THSD7B: variants seen among roughly 807,000 people sequenced by gnomAD.
The protein encoded by THSD7B is thrombospondin type 1 domain containing 7B.
THSD7B carries 138 observed loss-of-function variants against 213.6 expected under a neutral mutation model. The ratio of observed to expected loss-of-function variants is 0.65; its 90% confidence interval spans 0.56 to 0.74. The LOEUF is 0.74. Among genes scored for constraint, THSD7B ranks in the 30% least tolerant of loss-of-function variants. The probability of loss-of-function intolerance (pLI) is 0.00; values close to 1 mark genes in which losing one functional copy is unlikely to be tolerated. For missense variants in THSD7B, 1,931 were observed against 1,991.5 expected (o/e 0.97, Z 0.58); for synonymous variants, 742 against 687.0 (o/e 1.08, Z -1.25).
chr2:136,832,685 A>G (rs1267617937), intron 1 of THSD7B, among the ~76,000 whole-genome samples: 1 of 152,202 alleles, frequency 6.6e-6, no homozygotes, highest in Admixed American at 6.5e-5. Context: ...GTCTCCAGTC[A>G]TTAATACAAC....
chr2:137,052,943 G>A (rs1414188084), intron 2 of THSD7B, among the ~76,000 whole-genome samples: 1 of 152,100 alleles, frequency 6.6e-6, no homozygotes, highest in Non-Finnish European at 1.5e-5. Context: ...AATTCAGTTT[G>A]CATTTGCTTG....
intron 2 of THSD7B, among the ~76,000 whole-genome samples, chr2:136,941,530 T>G (rs1684826927): frequency 6.6e-6 from 1 of 152,218 alleles, no homozygotes; most frequent in Middle Eastern, 3.2e-3. Flanking sequence ...GTTTCCTGAC[T>G]TTTTAATGAT....
chr2:137,091,473 G>A (rs2104915077), intron 3 of THSD7B, among the ~76,000 whole-genome samples: 1 of 150,832 alleles, frequency 6.6e-6, no homozygotes, highest in East Asian at 1.9e-4. Context: ...CCACAAACTT[G>A]CTGGGTCAAA....
At chr2:136,876,893 G>C (rs1683533834) in intron 1 of THSD7B, among the ~76,000 whole-genome samples, 1 of 152,170 alleles carries the variant, frequency 6.6e-6, no homozygotes, top group African/African-American at 2.4e-5. Flanking sequence ...TGTGGCTGCA[G>C]TCTGTCTCCT....
chr2:137,204,031 C>A (rs1680931483), intron 7 of THSD7B, among the ~76,000 whole-genome samples: 1 of 152,018 alleles, frequency 6.6e-6, no homozygotes, highest in African/African-American at 2.4e-5. Context: ...TAGTTTACAG[C>A]TGCTAGGAAA....
At chr2:137,488,221 G>A (rs1688508727) in intron 15 of THSD7B, among the ~76,000 whole-genome samples, 1 of 152,044 alleles carries the variant, frequency 6.6e-6, no homozygotes, top group Non-Finnish European at 1.5e-5. Context: ...TATGTCAGAA[G>A]TAACTCATTT....
At chr2:137,412,611 C>CAAAAAAAAAAAAAA (rs1052499645) in intron 14 of THSD7B, among the ~76,000 whole-genome samples, 1 of 96,914 alleles carries the variant, frequency 1.0e-5, no homozygotes, top group Non-Finnish European at 1.9e-5. Flanking sequence ...AAAAAAAAAA[C>CAAAAAAAAAAAAAA]AAAAAAAAAC....
At chr2:136,765,808 C>T (rs962877758) in intron 1 of THSD7B, 121 bp downstream of exon 1, 1 of 152,062 alleles carries the variant, frequency 6.6e-6, no homozygotes, top group Non-Finnish European at 1.5e-5. Context: ...TTGCTCTTTC[C>T]TCGCCGGACA....
chr2:137,138,519 C>A (rs1380695896), intron 5 of THSD7B, among the ~76,000 whole-genome samples: 1 of 152,016 alleles, frequency 6.6e-6, no homozygotes, highest in Non-Finnish European at 1.5e-5. Flanking sequence ...TCATTGTATA[C>A]CTTCTTCTGT....
In THSD7B at chr2:137,134,596, A is replaced by G. The variant is rs370911452; in HGVS notation, c.1369+19303A>G. ...CCAGGGTCTGGCCTTCCATAGTCAC[A>G]TGGGGCAAGGGCTTACATGATTTTG... is the stretch of plus-strand genomic sequence containing the variant. On this transcript the variant is annotated intron_variant, in intron 5 of 27. Coordinates refer to ENST00000409968, the MANE Select transcript of THSD7B (RefSeq NM_001316349.2). Among the ~76,000 whole-genome samples, 34 of 152,238 alleles carry G rather than the reference A, an allele frequency of 2.2e-4. 2 individuals carry two copies. Among genetic ancestry groups the G allele is most frequent in the East Asian group, 1.6e-3 (8 of 5,156 alleles).
intron 15 of THSD7B, among the ~76,000 whole-genome samples, chr2:137,470,225 TG>T (rs1451779960): frequency 6.6e-6 from 1 of 152,210 alleles, no homozygotes; most frequent in East Asian, 1.9e-4. Flanking sequence ...GGAATCAATA[TG>T]GGAAGCAGAT....
chr2:137,398,602 T>C (rs1274007241), intron 12 of THSD7B, among the ~76,000 whole-genome samples: 2 of 151,850 alleles, frequency 1.3e-5, no homozygotes, highest in Non-Finnish European at 1.5e-5. Flanking sequence ...CTGCAGAGGT[T>C]ACTGCTGTCT....
chr2:137,602,768 C>T (rs1373480663), intron 17 of THSD7B, among the ~76,000 whole-genome samples: 1 of 152,120 alleles, frequency 6.6e-6, no homozygotes, highest in Non-Finnish European at 1.5e-5. Context: ...TCCCCATGGC[C>T]TAATTACCTC....
At chr2:137,618,646 A>G (rs1404261702) in intron 19 of THSD7B, 139 bp downstream of exon 19, 2 of 708,704 alleles carry the variant, frequency 2.8e-6, no homozygotes, top group African/African-American at 1.8e-5. Context: ...AAGCGGTGCC[A>G]GTATAGTATG....
intron 2 of THSD7B, among the ~76,000 whole-genome samples, chr2:137,016,156 A>G (rs896657325): frequency 1.3e-5 from 2 of 152,050 alleles, no homozygotes; most frequent in African/African-American, 4.8e-5. Flanking sequence ...AGTGTTCCTC[A>G]TCTATGAGGA....
In THSD7B at chr2:137,639,403, A is replaced by G. The variant is rs11889430; in HGVS notation, c.3800-3085A>G. Reference sequence around the variant, plus strand: ...ATGGAAACGCCTGCGTGCCCAGGCAAAAGTTTGCTGCAGGGGCAGGGCCCT... The same window carrying G: ...ATGGAAACGCCTGCGTGCCCAGGCAGAAGTTTGCTGCAGGGGCAGGGCCCT... On this transcript the variant is annotated intron_variant, in intron 20 of 27. Coordinates refer to ENST00000409968, the MANE Select transcript of THSD7B (RefSeq NM_001316349.2). Among the ~76,000 whole-genome samples the G allele has an allele frequency of 9.4e-3, 1,434 of 152,334 alleles. 13 individuals are homozygous for G. The highest frequency in any genetic ancestry group is 0.033 in the African/African-American group (1,354 of 41,566).
chr2:137,498,612 G>C (rs540526508), intron 15 of THSD7B, among the ~76,000 whole-genome samples: 1 of 152,020 alleles, frequency 6.6e-6, no homozygotes. Flanking sequence ...TTGTTGAAGA[G>C]AGAATGGAAT....
intron 1 of THSD7B, among the ~76,000 whole-genome samples, chr2:136,839,267 GA>G (rs1682886680): frequency 6.6e-6 from 1 of 152,108 alleles, no homozygotes; most frequent in Admixed American, 6.6e-5. Flanking sequence ...CCCTGGCTGG[GA>G]ATATACTCCT....
intron 12 of THSD7B, among the ~76,000 whole-genome samples, chr2:137,388,939 A>G (rs1558779678): frequency 6.6e-6 from 1 of 151,892 alleles, no homozygotes; most frequent in East Asian, 1.9e-4. Context: ...TGTTGATTCC[A>G]TATCGTTGCA....
Sources: gnomAD v4.1 joint callset for allele counts (sites outside exome capture counted in the v4.1 genomes callset) on GRCh38, gnomAD v4.1.1 for gene constraint, MANE v1.5 for transcripts, NCBI Gene and HGNC (gene_info 2026-07-23, HGNC 2026-07-21) for gene names.